SLC12A8: variants seen among roughly 807,000 people sequenced by gnomAD.
SLC12A8 encodes the protein solute carrier family 12 member 8, also known as cation-chloride cotransporter 9.
A neutral mutation model predicts 75.6 loss-of-function variants in SLC12A8; 69 were observed. The observed-to-expected ratio is 0.91, with a 90% CI of 0.75 to 1.11. SLC12A8 has a LOEUF of 1.11. SLC12A8 is among the 50% of genes most tolerant of loss of function. The pLI, the probability that SLC12A8 is intolerant of heterozygous loss-of-function variation, is 0.00. For missense variants in SLC12A8, 877 were observed against 896.7 expected, an observed-to-expected ratio of 0.98 and a Z score of 0.28; for synonymous variants, 365 against 372.8, an observed-to-expected ratio of 0.98 and a Z score of 0.24.
At chr3:125,108,176 C>G in intron 9 of SLC12A8, 50 bp from the exon 10 acceptor site, 1 of 1,538,404 alleles carries the variant, frequency 6.5e-7, no homozygotes, top group East Asian at 2.3e-5. Context: ...AGATAGAACG[C>G]TTCAGAGATT....
Position 125,177,889 on chromosome 3 carries a change from C to A in SLC12A8, c.476G>T (p.Gly159Val). ...GGCCAGAAGCACCGCAACTGAAATT[C>A]CTCGCACAGCCCAGATATTCCCGAG... Reference protein sequence around the residue: ...LGLGNIWAVRGISVAVLLALL... With the variant: ...LGLGNIWAVRVISVAVLLALL... Residue 159 changes from glycine to valine, a missense_variant, in exon 5 of 14, where the codon GGA becomes GTA. Transcript: ENST00000469902. The A allele has an allele frequency of 6.2e-7, 1 of 1,614,194 alleles. No individual in the cohort carries two copies. The highest frequency in any genetic ancestry group is 8.5e-7 in the Non-Finnish European group (1 of 1,180,026).
intron 7 of SLC12A8, 177 bp from the exon 8 acceptor site, chr3:125,119,033 G>T: frequency 1.7e-5 from 8 of 482,742 alleles, no homozygotes; most frequent in South Asian, 7.1e-5. Context: ...TTCTCTTCTG[G>T]CATATTTCTT....
At chr3:125,182,328 A>G (rs541151345) in intron 4 of SLC12A8, among the ~76,000 whole-genome samples, 72 of 152,042 alleles carry the variant, frequency 4.7e-4, no homozygotes, top group Non-Finnish European at 9.0e-4. Context: ...CCCTGTCTCA[A>G]AAAAAATTAA....
At chr3:125,135,888 T>TA in intron 5 of SLC12A8, 106 bp from the exon 6 acceptor site, 1 of 614,070 alleles carries the variant, frequency 1.6e-6, no homozygotes, top group Admixed American at 3.1e-5. Context: ...ATTGGAAAGG[T>TA]AGGGGCATGT....
chr3:125,181,960 G>A (rs924756142), intron 4 of SLC12A8, among the ~76,000 whole-genome samples: 2 of 152,154 alleles, frequency 1.3e-5, no homozygotes, highest in Non-Finnish European at 2.9e-5. Context: ...ACCAAGGTGA[G>A]AGGATCACTT....
At chr3:125,106,759 G>A (rs1939036514) in intron 10 of SLC12A8, among the ~76,000 whole-genome samples, 1 of 152,178 alleles carries the variant, frequency 6.6e-6, no homozygotes, top group Non-Finnish European at 1.5e-5. Flanking sequence ...GAAAGTACAT[G>A]GGCCTCAAAT....
At chr3:125,114,323 T>G (rs1230952818) in intron 8 of SLC12A8, among the ~76,000 whole-genome samples, 3 of 152,206 alleles carry the variant, frequency 2.0e-5, no homozygotes, top group Non-Finnish European at 2.9e-5. Flanking sequence ...ATCTTCCCTG[T>G]ACAGCTTGTG....
chr3:125,124,108 G>A (rs953083685), intron 6 of SLC12A8, among the ~76,000 whole-genome samples: 5 of 152,146 alleles, frequency 3.3e-5, no homozygotes, highest in African/African-American at 7.2e-5. Flanking sequence ...AGGACTGACC[G>A]TGACACAGGA....
In SLC12A8 at chr3:125,088,325, A is replaced by G; in HGVS notation, c.1967T>C (p.Leu656Ser). 1.2e-6 allele frequency: 2 copies of G among 1,614,178 alleles called. No homozygotes were observed. Among genetic ancestry groups the G allele is most frequent in the Non-Finnish European group, 1.7e-6 (2 of 1,180,028 alleles). Residue 656 changes from leucine to serine, a missense_variant, in exon 13 of 14, where the codon TTG becomes TCG. Coordinates refer to ENST00000469902, the MANE Select transcript of SLC12A8 (RefSeq NM_024628.6). The stretch of plus-strand genomic sequence containing the variant: ...TGGCACAGACCTGCAGGAGGGGAGC[A>G]AGAGAGACCTCATCCACCGGAAAAA... ...FSFFRWMRSLLLPSCRSLRSP... is the reference protein window; with the variant it reads ...FSFFRWMRSLSLPSCRSLRSP...
Position 125,084,220 on chromosome 3 carries a change from T to C in SLC12A8, c.1983-168A>G, listed in dbSNP as rs867532836. Among the ~76,000 whole-genome samples, 8 of 149,372 alleles carry C rather than the reference T, an allele frequency of 5.4e-5. No individual in the cohort carries two copies. In the Middle Eastern group the frequency reaches 0.02, roughly 381 times the overall value. Reference sequence around the variant, plus strand: ...TACAGGTATATATGAACTCAAAGCATGAGAAATACAAAGTATCAAATAAAA... The same window carrying C: ...TACAGGTATATATGAACTCAAAGCACGAGAAATACAAAGTATCAAATAAAA... On this transcript the variant is annotated intron_variant, in intron 13 of 13. Transcript: ENST00000469902.
chr3:125,168,745 G>A (rs564551929), intron 5 of SLC12A8, among the ~76,000 whole-genome samples: 4 of 152,354 alleles, frequency 2.6e-5, no homozygotes, highest in Non-Finnish European at 5.9e-5. Context: ...ATGGGAGCCT[G>A]AGATAAAGGA....
chr3:125,116,281 C>G (rs1939310049), intron 8 of SLC12A8, among the ~76,000 whole-genome samples: 1 of 152,212 alleles, frequency 6.6e-6, no homozygotes, highest in South Asian at 2.1e-4. Context: ...GAACCAAGAG[C>G]AGTAGCTTTG....
In SLC12A8 at chr3:125,120,694, A is replaced by T; in HGVS notation, c.737-8T>A. ...TGAAGCCGGCCATGACTCCTGAAAG[A>T]CACCCAGATGGGGAATGGGGTGAGC... On this transcript the variant is annotated splice_polypyrimidine_tract_variant and splice_region_variant and intron_variant, in intron 6 of 13. Coordinates refer to ENST00000469902, the MANE Select transcript of SLC12A8 (RefSeq NM_024628.6). 3 of 1,611,590 alleles carry T rather than the reference A, an allele frequency of 1.9e-6. No homozygotes were observed. The highest frequency in any genetic ancestry group is 2.5e-6 in the Non-Finnish European group (3 of 1,178,214).
In SLC12A8 at chr3:125,114,237, A is replaced by T. The variant is rs375595827; in HGVS notation, c.913-3902T>A. Among the ~76,000 whole-genome samples the T allele has an allele frequency of 2.6e-4, 39 of 152,142 alleles. 2 individuals are homozygous for T. The highest frequency in any genetic ancestry group is 2.0e-3 in the Admixed American group (30 of 15,286). On this transcript the variant is annotated intron_variant, in intron 8 of 13. Transcript: ENST00000469902. Reference sequence around the variant, plus strand: ...GTGTCCACGATGGAGGGCAGAGGACACTCAGGCTGGCCCACTCCCAGGTGC... The same window carrying T: ...GTGTCCACGATGGAGGGCAGAGGACTCTCAGGCTGGCCCACTCCCAGGTGC...
intron 4 of SLC12A8, among the ~76,000 whole-genome samples, chr3:125,180,554 G>C (rs772641127): frequency 6.6e-6 from 1 of 152,080 alleles, no homozygotes; most frequent in Non-Finnish European, 1.5e-5. Flanking sequence ...AGCCAGGCAC[G>C]GTGGTGTGCA....
At chr3:125,122,476 A>G (rs573060031) in intron 6 of SLC12A8, among the ~76,000 whole-genome samples, 1 of 152,346 alleles carries the variant, frequency 6.6e-6, no homozygotes, top group South Asian at 2.1e-4. Flanking sequence ...AGCAAAGAGA[A>G]GTTGGGAGGA....
chr3:125,170,685 C>T (rs588249), intron 5 of SLC12A8, among the ~76,000 whole-genome samples: 136,496 of 151,826 alleles, frequency 0.9, 61,810 homozygotes, highest in Admixed American at 0.95. Flanking sequence ...GAGGCTGAGG[C>T]GGGCAGATCA....
At chr3:125,137,538 T>C (rs1247059176) in intron 5 of SLC12A8, among the ~76,000 whole-genome samples, 2 of 152,226 alleles carry the variant, frequency 1.3e-5, no homozygotes, top group Non-Finnish European at 2.9e-5. Context: ...TCAGCCAAGC[T>C]GGACTAATGT....
chr3:125,119,472 T>C (rs1560057695), intron 7 of SLC12A8, among the ~76,000 whole-genome samples: 1 of 152,250 alleles, frequency 6.6e-6, no homozygotes, highest in Non-Finnish European at 1.5e-5. Flanking sequence ...CAAGATGCCC[T>C]GTAACCTTGA....
Sources: gnomAD v4.1 joint callset for allele counts (sites outside exome capture counted in the v4.1 genomes callset) on GRCh38, gnomAD v4.1.1 for gene constraint, MANE v1.5 for transcripts, NCBI Gene and HGNC (gene_info 2026-07-23, HGNC 2026-07-21) for gene names.